GOLGA1: variants seen among roughly 807,000 people sequenced by gnomAD.
GOLGA1 encodes golgin A1.
In GOLGA1, 63 loss-of-function variants were observed where a neutral mutation model predicts 119.7. That is an observed-to-expected ratio of 0.53 (90% CI 0.43 to 0.65). GOLGA1 has a LOEUF of 0.65. Ranked by LOEUF, GOLGA1 falls within the 30% of genes least tolerant of loss-of-function variation. GOLGA1 has a pLI of 0.00. For synonymous variants in GOLGA1, 318 were observed against 333.4 expected (o/e 0.95, Z 0.50); for missense variants, 798 against 912.8 (o/e 0.87, Z 1.62).
intron 12 of GOLGA1, 123 bp downstream of exon 12, chr9:124,908,253 TA>T (rs1456864051): frequency 2.8e-5 from 19 of 683,130 alleles, no homozygotes; most frequent in Non-Finnish European, 3.0e-5. Flanking sequence ...CCTGTATAGG[TA>T]AGATCCAAAA....
intron 10 of GOLGA1, among the ~76,000 whole-genome samples, chr9:124,920,286 A>ATT (rs113594549): frequency 3.6e-5 from 5 of 139,358 alleles, no homozygotes; most frequent in Non-Finnish European, 3.1e-5. Context: ...CAACTGGCTA[A>ATT]TTTTTTTTTT....
At chr9:124,894,604 T>G (rs1299225043) in intron 15 of GOLGA1, among the ~76,000 whole-genome samples, 3 of 152,142 alleles carry the variant, frequency 2.0e-5, no homozygotes, top group Non-Finnish European at 4.4e-5. Context: ...ATATGCCTGT[T>G]GGGTAGGCCT....
At position 124,881,133 on chromosome 9, in the gene GOLGA1, T is replaced by C. The variant is rs747378658; in HGVS notation, c.2223+38A>G. The C allele has an allele frequency of 9.2e-7, 1 of 1,081,406 alleles. No individual in the cohort carries two copies. Among genetic ancestry groups the C allele is most frequent in the South Asian group, 1.2e-5 (1 of 80,894 alleles). The allele number at this position is 1,081,406 out of a possible 1,614,324, so 67.0% of individuals were successfully genotyped here. A position where few individuals can be genotyped will look rare whatever the true frequency, so the allele number is the denominator to read the frequency against. On this transcript the variant is annotated intron_variant, in intron 22 of 22. Transcript: ENST00000373555. This position sits in a 1 kb window ranked among gnomAD's most constrained non-coding sequence, Gnocchi z 4.9. ...GCTACTGCTGGGATAACTGACAACGTATCTTGGAAGCTGGAACAGTAGACC... is the reference window on the plus strand; with the variant it reads ...GCTACTGCTGGGATAACTGACAACGCATCTTGGAAGCTGGAACAGTAGACC...
At chr9:124,895,861 C>A (rs1233589515) in intron 15 of GOLGA1, among the ~76,000 whole-genome samples, 3 of 138,342 alleles carry the variant, frequency 2.2e-5, no homozygotes, top group Non-Finnish European at 3.3e-5. Context: ...ACAGAGAACC[C>A]TCCACAACAG....
rs911497321 is a variant in GOLGA1, at chr9:124,882,087, C to G, written c.1966-133G>C. The G allele has an allele frequency of 6.2e-6, 4 of 648,324 alleles. No individual in the cohort carries two copies. The African/African-American group carries it at 7.3e-5, about 12-fold the overall frequency. 40.2% of individuals were successfully genotyped at this position (648,324 alleles called of 1,614,324 possible). On this transcript the variant is annotated intron_variant, in intron 20 of 22. Coordinates refer to ENST00000373555, the MANE Select transcript of GOLGA1 (RefSeq NM_002077.4). ...AAGGGCCCCACCTGGGAAGGAAGCA[C>G]CTCCAGGTAGGCTTGAGGAGGGAGT...
chr9:124,910,889 C>T (rs995262161), intron 11 of GOLGA1, among the ~76,000 whole-genome samples: 18 of 152,148 alleles, frequency 1.2e-4, no homozygotes, highest in Admixed American at 1.1e-3. Context: ...CCCCCTCACC[C>T]GACCCAACCT....
intron 20 of GOLGA1, 118 bp from the exon 21 acceptor site, chr9:124,882,072 C>T: frequency 1.4e-6 from 1 of 713,718 alleles, no homozygotes; most frequent in Non-Finnish European, 2.3e-6. Context: ...AAGGGCCCCA[C>T]CTGGGAAGGA....
At position 124,921,208 on chromosome 9, in the gene GOLGA1, T is replaced by G. The variant is rs1413424575; in HGVS notation, c.764A>C (p.Glu255Ala). 5.0e-6 allele frequency: 8 copies of G among 1,612,380 alleles called. No homozygotes were observed. Among genetic ancestry groups the G allele is most frequent in the Non-Finnish European group, 5.9e-6 (7 of 1,178,418 alleles). Residue 255 changes from glutamate to alanine, a missense_variant, in exon 10 of 23, where the codon GAA becomes GCA. Glu to Ala is a moderately radical substitution (Grantham distance 107). Coordinates refer to ENST00000373555, the MANE Select transcript of GOLGA1 (RefSeq NM_002077.4). The stretch of plus-strand genomic sequence containing the variant: ...TTGTTCCAGGGCTGTGATCTTACTT[T>G]CTGCACCTGTTTTTGAAGCTATCAC... ...DHVIASKTGA[E>A]SKITALEQKE... is the part of the protein sequence containing the mutation.
At chr9:124,885,188 G>C (rs185386148) in intron 19 of GOLGA1, among the ~76,000 whole-genome samples, 3 of 152,126 alleles carry the variant, frequency 2.0e-5, no homozygotes, top group Non-Finnish European at 4.4e-5. Flanking sequence ...TTAGCTGGGC[G>C]TGGTAGCGCG....
At chr9:124,914,270 G>A (rs1260080606) in intron 10 of GOLGA1, among the ~76,000 whole-genome samples, 1 of 152,170 alleles carries the variant, frequency 6.6e-6, no homozygotes, top group Non-Finnish European at 1.5e-5. Flanking sequence ...AGCTGAGGTG[G>A]GCAGATCACG....
intron 15 of GOLGA1, among the ~76,000 whole-genome samples, chr9:124,894,172 GC>G (rs750950585): frequency 6.6e-6 from 1 of 152,112 alleles, no homozygotes; most frequent in Non-Finnish European, 1.5e-5. Flanking sequence ...TACTTCCAGA[GC>G]CCCACATGCA....
rs1012667406 is a variant in GOLGA1, at chr9:124,881,519, G to T, written c.2137-262C>A. ...GGAGCGATGGGTGGATTCCGTTCCC[G>T]GCTTCCGGCCTCTGGCCTCAGCACC... On this transcript the variant is annotated intron_variant, in intron 21 of 22. Coordinates refer to ENST00000373555, the MANE Select transcript of GOLGA1 (RefSeq NM_002077.4). The surrounding 1 kb of genome is among the most constrained non-coding windows in gnomAD (Gnocchi z 4.9). Among the ~76,000 whole-genome samples, 1 of 152,140 alleles carries T rather than the reference G, an allele frequency of 6.6e-6. No individual in the cohort carries two copies. Among genetic ancestry groups the T allele is most frequent in the Admixed American group, 6.6e-5 (1 of 15,264 alleles).
At chr9:124,907,789 G>C (rs1326635327) in intron 12 of GOLGA1, among the ~76,000 whole-genome samples, 1 of 152,160 alleles carries the variant, frequency 6.6e-6, no homozygotes, top group Non-Finnish European at 1.5e-5. Context: ...AATTGTAAAG[G>C]CTTGGAAATG....
chr9:124,930,190 G>C (rs1048568401), intron 4 of GOLGA1, among the ~76,000 whole-genome samples: 1 of 152,104 alleles, frequency 6.6e-6, no homozygotes, highest in Non-Finnish European at 1.5e-5. Flanking sequence ...CTTCTCTAAC[G>C]TAAGTCAAGC....
At chr9:124,896,259 CA>C (rs1192415883) in intron 15 of GOLGA1, among the ~76,000 whole-genome samples, 1 of 151,952 alleles carries the variant, frequency 6.6e-6, no homozygotes, top group Non-Finnish European at 1.5e-5. Context: ...ACCAAAAATA[CA>C]AAAATTAGCC....
At chr9:124,889,686 T>C in intron 16 of GOLGA1, 150 bp from the exon 17 acceptor site, 1 of 680,594 alleles carries the variant, frequency 1.5e-6, no homozygotes, top group Non-Finnish European at 2.7e-6. Flanking sequence ...GCTCTGCTCC[T>C]ATGAACATGC....
intron 8 of GOLGA1, 96 bp downstream of exon 8, chr9:124,922,999 G>A: frequency 1.3e-6 from 1 of 743,914 alleles, no homozygotes; most frequent in Admixed American, 2.5e-5. Flanking sequence ...ACATATTACT[G>A]GTGTATGTTT....
rs138655913 is a variant in GOLGA1, at chr9:124,923,119, C to T, written c.537G>A (p.Gln179=). The T allele has an allele frequency of 3.8e-4, 616 of 1,608,900 alleles. No individual in the cohort carries two copies. The highest frequency in any genetic ancestry group is 4.8e-4 in the Non-Finnish European group (560 of 1,177,212). The change falls in exon 8 of 23, where the codon CAG becomes CAA. Residue 179 remains glutamine, a synonymous_variant. Coordinates refer to ENST00000373555, the MANE Select transcript of GOLGA1 (RefSeq NM_002077.4). ...CCATGTGCTTTATTTTACTTAGTTC[C>T]TGCTGCTGGAACCCCTCTAATTCAT... The part of the protein sequence containing the change: ...EMDELEGFQQ[Q]ELSKIKHMLL...
intron 13 of GOLGA1, chr9:124,900,012 T>C (rs1346748331): frequency 2.2e-5 from 4 of 184,612 alleles, no homozygotes; most frequent in Non-Finnish European, 3.4e-5. Flanking sequence ...CTGAGCACAG[T>C]GCCTGGGACA....
Sources: allele counts gnomAD v4.1 joint callset (sites outside exome capture counted in the v4.1 genomes callset), GRCh38; gene constraint gnomAD v4.1.1; non-coding constraint Gnocchi (gnomAD v3.1); transcripts MANE v1.5; gene names NCBI Gene and HGNC (gene_info 2026-07-23, HGNC 2026-07-21).